DOCK10: variants seen among roughly 807,000 people sequenced by gnomAD.
DOCK10 encodes dedicator of cytokinesis protein 10.
DOCK10 carries 145 observed loss-of-function variants against 280.1 expected under a neutral mutation model. That is an observed-to-expected ratio of 0.52 (90% CI 0.45 to 0.59). The LOEUF is 0.59. Among genes scored for constraint, DOCK10 ranks in the 20% least tolerant of loss-of-function variants. The pLI is 0.00. For synonymous variants in DOCK10, 915 were observed against 942.2 expected, an observed-to-expected ratio of 0.97 and a Z score of 0.53; for missense variants, 2,368 against 2,651.7, an observed-to-expected ratio of 0.89 and a Z score of 2.35.
intron 1 of DOCK10, among the ~76,000 whole-genome samples, chr2:224,957,074 T>G (rs1312089733): frequency 6.6e-6 from 1 of 152,170 alleles, no homozygotes; most frequent in Non-Finnish European, 1.5e-5. Context: ...GTTGTTTGTG[T>G]GTGGGGGTGT....
Position 224,765,751 on chromosome 2 carries a change from C to A in DOCK10, c.6531G>T (p.Thr2177=), listed in dbSNP as rs535428861. 1.9e-6 allele frequency: 3 copies of A among 1,613,748 alleles called. No homozygotes were observed. The highest frequency in any genetic ancestry group is 1.1e-5 in the South Asian group (1 of 91,042). ...CTTCAGCACTAGATGAGATGGAGAC[C>A]GTGGGTAGGGCCGGAGTTGCTTTGC... ...VISKATPALP[T]VSISSSAEV is the part of the protein sequence containing the mutation. Residue 2177 remains threonine (T), a synonymous_variant, in exon 56 of 56, where the codon ACG becomes ACT. Transcript: ENST00000258390.
chr2:225,025,863 C>T (rs926873719), intron 1 of DOCK10, among the ~76,000 whole-genome samples: 1 of 152,130 alleles, frequency 6.6e-6, no homozygotes, highest in Non-Finnish European at 1.5e-5. Context: ...TCTATCCATC[C>T]ATCTAACCAA....
chr2:224,936,322 T>C, intron 1 of DOCK10, among the ~76,000 whole-genome samples: 1 of 152,098 alleles, frequency 6.6e-6, no homozygotes, highest in East Asian at 1.9e-4. Context: ...ATGATCAAGA[T>C]GGCAAGCACT....
chr2:224,863,947 G>A (rs541740301), intron 13 of DOCK10, among the ~76,000 whole-genome samples: 5 of 152,216 alleles, frequency 3.3e-5, no homozygotes, highest in African/African-American at 1.2e-4. Flanking sequence ...CATTGCTGAT[G>A]TCTCATTCAC....
At chr2:224,790,242 G>A (rs1692076332) in intron 47 of DOCK10, among the ~76,000 whole-genome samples, 1 of 152,192 alleles carries the variant, frequency 6.6e-6, no homozygotes, top group Non-Finnish European at 1.5e-5. Flanking sequence ...TGAATTGTGG[G>A]GAATGTGAGT....
intron 1 of DOCK10, among the ~76,000 whole-genome samples, chr2:224,992,465 G>T (rs963010341): frequency 6.6e-6 from 1 of 152,084 alleles, no homozygotes; most frequent in Admixed American, 6.6e-5. Flanking sequence ...TTTTAGGGTT[G>T]GTGCAAAGCA....
intron 1 of DOCK10, among the ~76,000 whole-genome samples, chr2:224,965,930 T>C (rs990628543): frequency 6.6e-6 from 1 of 152,224 alleles, no homozygotes; most frequent in African/African-American, 2.4e-5. Context: ...GTCTCTTATA[T>C]ACAAAAATGT....
intron 31 of DOCK10, among the ~76,000 whole-genome samples, chr2:224,812,425 A>G (rs1343577375): frequency 6.6e-6 from 1 of 152,112 alleles, no homozygotes; most frequent in Non-Finnish European, 1.5e-5. Flanking sequence ...AATCATGTCA[A>G]CTGCAAACAG....
At chr2:224,782,790 C>T (rs891842342) in intron 50 of DOCK10, among the ~76,000 whole-genome samples, 2 of 152,182 alleles carry the variant, frequency 1.3e-5, no homozygotes, top group Non-Finnish European at 2.9e-5. Flanking sequence ...GAGCCTATTG[C>T]ATATCATATT....
chr2:224,785,647 A>AT (rs1335811660), intron 50 of DOCK10, among the ~76,000 whole-genome samples: 4 of 151,772 alleles, frequency 2.6e-5, no homozygotes, highest in Non-Finnish European at 5.9e-5. Flanking sequence ...CACCCGGCTA[A>AT]TTTTTTGTAT....
chr2:225,033,974 G>A (rs546315380), intron 1 of DOCK10, among the ~76,000 whole-genome samples: 2 of 152,344 alleles, frequency 1.3e-5, no homozygotes, highest in Admixed American at 1.3e-4. Context: ...TTTGGGAAAT[G>A]TCTGAGCAAC....
chr2:224,831,406 C>T (rs1469916521), intron 26 of DOCK10, among the ~76,000 whole-genome samples: 1 of 152,204 alleles, frequency 6.6e-6, no homozygotes, highest in South Asian at 2.1e-4. Flanking sequence ...CTTCATAACA[C>T]CTTGGAATGC....
intron 11 of DOCK10, among the ~76,000 whole-genome samples, chr2:224,873,640 G>A (rs1204614537): frequency 7.4e-6 from 1 of 135,854 alleles, no homozygotes; most frequent in African/African-American, 2.8e-5. Context: ...GTACTACTAA[G>A]AGGATACACA....
chr2:224,786,938 C>T lies in DOCK10; in HGVS notation c.5655+84G>A, dbSNP rs746013628. ...ACCCACACCTCTCCATTCACTGGTA[C>T]ACACAGATGTCTCATAAAGAATGAA... On this transcript the variant is annotated intron_variant, in intron 50 of 55. Transcript: ENST00000258390. The surrounding 1 kb of genome is among the most constrained non-coding windows in gnomAD (Gnocchi z 4.7). The T allele has an allele frequency of 4.0e-6, 4 of 999,918 alleles. No homozygotes were observed. Among genetic ancestry groups the T allele is most frequent in the Non-Finnish European group, 6.4e-6 (4 of 623,768 alleles). 61.9% of individuals were successfully genotyped at this position (999,918 alleles called of 1,614,324 possible).
intron 47 of DOCK10, among the ~76,000 whole-genome samples, chr2:224,791,896 T>C (rs1692222128): frequency 6.6e-6 from 1 of 152,236 alleles, no homozygotes; most frequent in Admixed American, 6.5e-5. Flanking sequence ...ACATTTCGTT[T>C]AAGTCTTTTG....
intron 29 of DOCK10, 27 bp downstream of exon 29, chr2:224,819,419 A>T (rs765917416): frequency 6.9e-7 from 1 of 1,448,960 alleles, no homozygotes; most frequent in Admixed American, 2.0e-5. Context: ...AGTTTAGAAA[A>T]CAATCACTCC....
intron 1 of DOCK10, among the ~76,000 whole-genome samples, chr2:224,941,787 T>G (rs1303806469): frequency 6.7e-6 from 1 of 148,158 alleles, no homozygotes; most frequent in African/African-American, 2.5e-5. Flanking sequence ...GAGGTTGCAG[T>G]GAGCTGAGAT....
Position 224,836,983 on chromosome 2 carries a change from A to G in DOCK10, c.2850+779T>C, listed in dbSNP as rs1490217893. Among the ~76,000 whole-genome samples the G allele has an allele frequency of 3.3e-5, 5 of 152,114 alleles. No individual in the cohort carries two copies. The East Asian group carries it at 7.7e-4, about 24-fold the overall frequency. ...CATATTAAGAGAATACAGTTTTTTG[A>G]TGAAAAAGCTATGTCTCAAAAAGAT... On this transcript the variant is annotated intron_variant, in intron 25 of 55. Transcript: ENST00000258390.
chr2:224,808,097 A>C lies in DOCK10; in HGVS notation c.3410-11T>G. 6.2e-7 allele frequency: 1 copy of C among 1,605,590 alleles called. No homozygotes were observed. The highest frequency in any genetic ancestry group is 8.5e-7 in the Non-Finnish European group (1 of 1,174,608). ...AATATTCAGGCATATCTTTGTGAGG[A>C]AGGAAAATAACTCATGTTATTGAAA... On this transcript the variant is annotated splice_polypyrimidine_tract_variant and intron_variant, in intron 31 of 55. Transcript: ENST00000258390.
Sources: gnomAD v4.1 joint callset for allele counts (sites outside exome capture counted in the v4.1 genomes callset) on GRCh38, gnomAD v4.1.1 for gene constraint, Gnocchi (gnomAD v3.1) non-coding constraint, MANE v1.5 for transcripts, NCBI Gene and HGNC (gene_info 2026-07-23, HGNC 2026-07-21) for gene names.